ADGRL3: variants seen among roughly 807,000 people sequenced by gnomAD.
ADGRL3 encodes the protein calcium-independent alpha-latrotoxin receptor 3.
In ADGRL3, 62 loss-of-function variants were observed where a neutral mutation model predicts 153.5. The observed-to-expected ratio is 0.40, with a 90% CI of 0.33 to 0.50. The LOEUF is 0.50. Among genes scored for constraint, ADGRL3 ranks in the 20% least tolerant of loss-of-function variants. The probability of loss-of-function intolerance (pLI) is 0.47; values close to 1 mark genes in which losing one functional copy is unlikely to be tolerated. For missense variants in ADGRL3, 1,641 were observed against 1,859.4 expected (o/e 0.88, Z 2.16); for synonymous variants, 710 against 672.5 (o/e 1.06, Z -0.86).
intron 4 of ADGRL3, among the ~76,000 whole-genome samples, chr4:61,521,779 T>C (rs935311419): frequency 2.0e-4 from 31 of 152,008 alleles, no homozygotes; most frequent in Admixed American, 6.6e-5. Context: ...CAGGAGGAGA[T>C]GGAGAATGTA....
chr4:61,297,291 G>A (rs531696865), intron 1 of ADGRL3, among the ~76,000 whole-genome samples: 1 of 151,924 alleles, frequency 6.6e-6, no homozygotes, highest in Non-Finnish European at 1.5e-5. Flanking sequence ...CCTTTTTGGG[G>A]GTGTCTGTGT....
intron 5 of ADGRL3, among the ~76,000 whole-genome samples, chr4:61,611,120 G>A (rs2091286786): frequency 6.6e-6 from 1 of 152,140 alleles, no homozygotes; most frequent in Non-Finnish European, 1.5e-5. Flanking sequence ...GCGTTTTTCA[G>A]AGTTGATGCT....
At chr4:61,997,705 AAAC>A (rs1303987394) in intron 20 of ADGRL3, among the ~76,000 whole-genome samples, 3 of 152,334 alleles carry the variant, frequency 2.0e-5, no homozygotes, top group East Asian at 3.9e-4. Context: ...ATCAGAATTT[AAAC>A]AACATTTTAT....
intron 1 of ADGRL3, among the ~76,000 whole-genome samples, chr4:61,236,938 T>A (rs1314367250): frequency 1.3e-5 from 2 of 152,214 alleles, no homozygotes; most frequent in African/African-American, 4.8e-5. Context: ...TGACTTTCTA[T>A]TTCAGATATT....
intron 1 of ADGRL3, among the ~76,000 whole-genome samples, chr4:61,291,920 T>A (rs1231668920): frequency 7.4e-5 from 11 of 147,852 alleles, no homozygotes; most frequent in Non-Finnish European, 3.0e-5. Context: ...GTATGATAAT[T>A]TTTACAGGCT....
chr4:61,660,796 A>C (rs2094572228), intron 5 of ADGRL3, among the ~76,000 whole-genome samples: 1 of 152,122 alleles, frequency 6.6e-6, no homozygotes, highest in African/African-American at 2.4e-5. Context: ...AATTGATCAA[A>C]AATGAAACTG....
At chr4:61,805,768 G>T (rs1413243161) in intron 8 of ADGRL3, among the ~76,000 whole-genome samples, 1 of 152,138 alleles carries the variant, frequency 6.6e-6, no homozygotes, top group Non-Finnish European at 1.5e-5. Flanking sequence ...CATTAGGAGA[G>T]TATTTTTAAA....
chr4:62,044,189 G>C (rs1327610975), intron 24 of ADGRL3, among the ~76,000 whole-genome samples: 1 of 151,794 alleles, frequency 6.6e-6, no homozygotes, highest in Non-Finnish European at 1.5e-5. Flanking sequence ...AATTGGTATA[G>C]TACTTTACAT....
intron 3 of ADGRL3, among the ~76,000 whole-genome samples, chr4:61,503,143 A>C (rs2098403279): frequency 6.6e-6 from 1 of 152,170 alleles, no homozygotes; most frequent in Non-Finnish European, 1.5e-5. Context: ...TGATAGCTTT[A>C]CTTTATGTGT....
intron 5 of ADGRL3, among the ~76,000 whole-genome samples, chr4:61,669,710 A>G (rs144898548): frequency 6.2e-4 from 95 of 152,304 alleles, no homozygotes; most frequent in African/African-American, 2.2e-3. Flanking sequence ...GCTTTTGTAT[A>G]ATATTATTTA....
chr4:61,494,972 TA>T (rs1560728288), intron 2 of ADGRL3, among the ~76,000 whole-genome samples: 1 of 152,338 alleles, frequency 6.6e-6, no homozygotes, highest in East Asian at 1.9e-4. Flanking sequence ...TGTTCTTGGC[TA>T]TTATTACGTA....
Position 61,342,561 on chromosome 4 carries a change from A to G in ADGRL3, c.-239-40563A>G, listed in dbSNP as rs117059584. On this transcript the variant is annotated intron_variant, in intron 1 of 26. Coordinates refer to ENST00000683033, the MANE Select transcript of ADGRL3 (RefSeq NM_001387552.1). The stretch of plus-strand genomic sequence containing the variant: ...GTCAGTCTCTTCTTTGGATGCCATT[A>G]CCTCTTTCATATTTATCCTCTTTTT... 9.8e-4 allele frequency among the ~76,000 whole-genome samples: 149 copies of G among 151,432 alleles called. 1 individual carries two copies. The East Asian group carries it at 0.027, about 28-fold the overall frequency.
rs145264368 is a variant in ADGRL3 at position 61,278,930 on chromosome 4, T to G, written c.-240+77165T>G. Among the ~76,000 whole-genome samples the G allele has an allele frequency of 1.5e-3, 233 of 152,364 alleles. 6 individuals are homozygous for G. The East Asian group carries it at 0.04, about 26-fold the overall frequency. ...AGCTTAATTTTTACTGTAGATTTTG[T>G]ATGTTTGCATGCAGGCATGCCAACG... On this transcript the variant is annotated intron_variant, in intron 1 of 26. Coordinates refer to ENST00000683033, the MANE Select transcript of ADGRL3 (RefSeq NM_001387552.1).
chr4:61,443,285 TAAAG>T (rs2097546652), intron 2 of ADGRL3, among the ~76,000 whole-genome samples: 1 of 152,168 alleles, frequency 6.6e-6, no homozygotes, highest in South Asian at 2.1e-4. Context: ...AAATGAAACT[TAAAG>T]GAACTCATGC....
chr4:61,357,352 A>G (rs1470555908), intron 1 of ADGRL3, among the ~76,000 whole-genome samples: 1 of 152,126 alleles, frequency 6.6e-6, no homozygotes, highest in Non-Finnish European at 1.5e-5. Flanking sequence ...TTTGAGTTCC[A>G]TTGTAGGATA....
chr4:61,302,137 A>T lies in ADGRL3; in HGVS notation c.-239-80987A>T, dbSNP rs890454467. Among the ~76,000 whole-genome samples the T allele has an allele frequency of 5.3e-5, 8 of 152,282 alleles. No homozygotes were observed. In the East Asian group the frequency reaches 1.4e-3, roughly 26 times the overall value. On this transcript the variant is annotated intron_variant, in intron 1 of 26. Coordinates refer to ENST00000683033, the MANE Select transcript of ADGRL3 (RefSeq NM_001387552.1). Reference sequence around the variant, plus strand: ...GCAGAAGTGGATTAAAAGGATAAAAATGGCAGAAGATTGTGCTTGAGACCT... The same window carrying T: ...GCAGAAGTGGATTAAAAGGATAAAATTGGCAGAAGATTGTGCTTGAGACCT...
At chr4:61,557,602 T>C (rs1489034689) in intron 4 of ADGRL3, among the ~76,000 whole-genome samples, 2 of 152,228 alleles carry the variant, frequency 1.3e-5, no homozygotes, top group African/African-American at 2.4e-5. Flanking sequence ...TCATTACTAA[T>C]GTAAAATTGT....
chr4:61,716,357 A>G (rs1046578895), intron 6 of ADGRL3, among the ~76,000 whole-genome samples: 28 of 152,156 alleles, frequency 1.8e-4, no homozygotes, highest in African/African-American at 6.8e-4. Context: ...AACATTATCA[A>G]TGTAGCATTG....
intron 5 of ADGRL3, among the ~76,000 whole-genome samples, chr4:61,597,569 C>A (rs2098994167): frequency 6.6e-6 from 1 of 151,744 alleles, no homozygotes; most frequent in Admixed American, 6.6e-5. Context: ...TTTACCAATA[C>A]AAACATTTTT....
Sources: gnomAD v4.1 joint callset for allele counts (sites outside exome capture counted in the v4.1 genomes callset) on GRCh38, gnomAD v4.1.1 for gene constraint, MANE v1.5 for transcripts, NCBI Gene and HGNC (gene_info 2026-07-23, HGNC 2026-07-21) for gene names.